Variants in KALRN observed in about 807,000 individuals in gnomAD.
KALRN encodes the protein kalirin RhoGEF kinase, also known as kalirin.
A neutral mutation model predicts 353.7 loss-of-function variants in KALRN; 70 were observed. The ratio of observed to expected loss-of-function variants is 0.20; its 90% CI spans 0.16 to 0.24. The LOEUF (loss-of-function observed/expected upper bound fraction) is 0.24, where lower values mean the gene tolerates loss of function less well. Ranked by LOEUF, KALRN falls within the 10% of genes least tolerant of loss-of-function variation. The pLI is 1.00. For missense variants in KALRN, 2,791 were observed against 3,756.7 expected (o/e 0.74, Z 6.72); for synonymous variants, 1,391 against 1,434.8 (o/e 0.97, Z 0.69).
chr3:124,259,382 G>T (rs920897), intron 3 of KALRN, among the ~76,000 whole-genome samples: 3 of 152,176 alleles, frequency 2.0e-5, no homozygotes, highest in East Asian at 1.9e-4. Flanking sequence ...CTGGAGAAAA[G>T]GCATAGTGGT....
At chr3:124,549,331 A>ACACACACACACACACATAAT (rs1554027037) in intron 33 of KALRN, among the ~76,000 whole-genome samples, 15 of 150,676 alleles carry the variant, frequency 1.0e-4, no homozygotes, top group African/African-American at 3.7e-4. Context: ...ACACACACAC[A>ACACACACACACACACATAAT]CACACACACA....
At chr3:124,349,394 T>C (rs1476353918) in intron 10 of KALRN, among the ~76,000 whole-genome samples, 6 of 152,196 alleles carry the variant, frequency 3.9e-5, no homozygotes, top group Non-Finnish European at 5.9e-5. Flanking sequence ...TGGCCCATGA[T>C]GGCTTTGAAT....
intron 34 of KALRN, among the ~76,000 whole-genome samples, chr3:124,618,242 T>A (rs918665910): frequency 1.3e-5 from 2 of 151,716 alleles, no homozygotes; most frequent in African/African-American, 4.8e-5. Flanking sequence ...CCCGAGTAGC[T>A]GGGACTATAG....
intron 33 of KALRN, chr3:124,518,720 G>C: frequency 7.1e-7 from 1 of 1,400,856 alleles, no homozygotes; most frequent in Non-Finnish European, 9.3e-7. Flanking sequence ...CTAAAATGGT[G>C]GGGCAGTAGG....
chr3:124,602,300 A>G (rs1453641077), intron 34 of KALRN, among the ~76,000 whole-genome samples: 1 of 152,156 alleles, frequency 6.6e-6, no homozygotes, highest in Non-Finnish European at 1.5e-5. Flanking sequence ...TGATATGCCC[A>G]TCCTTGAGTT....
chr3:124,547,446 G>T lies in KALRN; in HGVS notation c.4936-15397G>T, dbSNP rs151015420. On this transcript the variant is annotated intron_variant, in intron 33 of 59. Coordinates refer to ENST00000682506, the MANE Select transcript of KALRN (RefSeq NM_001388419.1). ...CCCCACCTCAGCCTCCTGAGTAGCTGGTTCTACAGGCTCATACCACCATGC... is the reference window on the plus strand; with the variant it reads ...CCCCACCTCAGCCTCCTGAGTAGCTTGTTCTACAGGCTCATACCACCATGC... Among the ~76,000 whole-genome samples, 609 of 152,062 alleles carry T rather than the reference G, an allele frequency of 4.0e-3. 8 individuals carry two copies. Among genetic ancestry groups the T allele is most frequent in the Admixed American group, 0.023 (355 of 15,278 alleles).
Position 124,434,304 on chromosome 3 carries a change from C to T in KALRN, c.2830-3C>T. 4.3e-6 allele frequency: 7 copies of T among 1,612,070 alleles called. No homozygotes were observed. Among genetic ancestry groups the T allele is most frequent in the South Asian group, 3.3e-5 (3 of 90,974 alleles). ...GACCTTTCTCTCCTCTCCTTGTGCC[C>T]AGTCCCTCTTTCATGCCACTTCCTT... is the stretch of plus-strand genomic sequence containing the variant. On this transcript the variant is annotated splice_region_variant and splice_polypyrimidine_tract_variant and intron_variant, in intron 16 of 59. Transcript: ENST00000682506.
chr3:124,562,635 T>TAAAAAA, intron 33 of KALRN: 1 of 371,616 alleles, frequency 2.7e-6, no homozygotes, highest in South Asian at 2.2e-5. Flanking sequence ...TACATTTTTT[T>TAAAAAA]CTTGTTTTCT....
chr3:124,545,747 G>C (rs1003716670), intron 33 of KALRN, among the ~76,000 whole-genome samples: 15 of 152,264 alleles, frequency 9.9e-5, no homozygotes, highest in African/African-American at 3.4e-4. Flanking sequence ...GGAAGGTATG[G>C]GATGCTGGCT....
chr3:124,077,417 T>C (rs2060310647), intron 1 of KALRN, among the ~76,000 whole-genome samples: 1 of 151,748 alleles, frequency 6.6e-6, no homozygotes, highest in African/African-American at 2.4e-5. Context: ...CATTCATTCC[T>C]ACTCTTCATT....
At chr3:124,226,459 C>T (rs2078515517) in intron 1 of KALRN, among the ~76,000 whole-genome samples, 1 of 152,184 alleles carries the variant, frequency 6.6e-6, no homozygotes, top group Non-Finnish European at 1.5e-5. Flanking sequence ...AGCTGGTTCT[C>T]TGTCAGCTAG....
intron 2 of KALRN, among the ~76,000 whole-genome samples, chr3:124,233,884 G>A (rs1198448410): frequency 1.3e-5 from 2 of 152,174 alleles, no homozygotes; most frequent in African/African-American, 4.8e-5. Context: ...GTAATGGCCA[G>A]TGCCCTGTAA....
intron 15 of KALRN, among the ~76,000 whole-genome samples, chr3:124,429,165 A>G (rs1254435282): frequency 6.6e-6 from 1 of 152,230 alleles, no homozygotes; most frequent in East Asian, 1.9e-4. Context: ...TATTTCCTGT[A>G]ACTAATTGCT....
chr3:124,193,635 C>T (rs1341351151), intron 1 of KALRN, among the ~76,000 whole-genome samples: 1 of 151,962 alleles, frequency 6.6e-6, no homozygotes, highest in Non-Finnish European at 1.5e-5. Flanking sequence ...TAAACTACAA[C>T]TTATGGCATT....
At chr3:124,106,865 T>A (rs1354852927) in intron 1 of KALRN, among the ~76,000 whole-genome samples, 1 of 152,128 alleles carries the variant, frequency 6.6e-6, no homozygotes, top group Non-Finnish European at 1.5e-5. Context: ...GTGGACAGAA[T>A]GGAGAATTCA....
chr3:124,149,880 C>T (rs115826862), intron 1 of KALRN, among the ~76,000 whole-genome samples: 3,968 of 152,272 alleles, frequency 0.026, 88 homozygotes, highest in Middle Eastern at 0.054. Context: ...ACTAGCCAGC[C>T]GGGTTCCGTT....
At chr3:124,310,732 C>G (rs60066676) in intron 6 of KALRN, among the ~76,000 whole-genome samples, 3 of 151,926 alleles carry the variant, frequency 2.0e-5, no homozygotes, top group African/African-American at 7.3e-5. Context: ...GATGTTGGAC[C>G]CTTACCTTAC....
At chr3:124,347,909 G>A (rs959495759) in intron 10 of KALRN, among the ~76,000 whole-genome samples, 1 of 152,182 alleles carries the variant, frequency 6.6e-6, no homozygotes, top group Non-Finnish European at 1.5e-5. Flanking sequence ...AAAGGGCACT[G>A]TTTTTGAATT....
intron 1 of KALRN, among the ~76,000 whole-genome samples, chr3:124,186,342 G>A (rs1246945550): frequency 6.6e-6 from 1 of 152,154 alleles, no homozygotes; most frequent in Non-Finnish European, 1.5e-5. Flanking sequence ...TCCTGGTTCT[G>A]TTATTTCCCT....
Sources: gnomAD v4.1 joint callset for allele counts (sites outside exome capture counted in the v4.1 genomes callset) on GRCh38, gnomAD v4.1.1 for gene constraint, MANE v1.5 for transcripts, NCBI Gene and HGNC (gene_info 2026-07-23, HGNC 2026-07-21) for gene names.